The following MACROD2 variants were observed in gnomAD, a reference collection of about 807,000 sequenced individuals.
The protein encoded by MACROD2 is mono-ADP ribosylhydrolase 2.
A neutral mutation model predicts 70.4 loss-of-function variants in MACROD2; 36 were observed. The observed-to-expected ratio is 0.51, with a 90% CI of 0.39 to 0.68. The LOEUF is 0.68. Ranked by LOEUF, MACROD2 falls within the 30% of genes least tolerant of loss-of-function variation. MACROD2 has a pLI of 0.00. For missense variants in MACROD2, 496 were observed against 538.4 expected, an observed-to-expected ratio of 0.92 and a Z score of 0.78; for synonymous variants, 172 against 178.8, an observed-to-expected ratio of 0.96 and a Z score of 0.30.
chr20:14,813,727 C>A (rs2097645997), intron 5 of MACROD2, among the ~76,000 whole-genome samples: 2 of 152,048 alleles, frequency 1.3e-5, no homozygotes, highest in Non-Finnish European at 1.5e-5. Context: ...ATTCATCAAT[C>A]TGGAAGCTCA....
chr20:14,754,560 T>A (rs1402246367), intron 5 of MACROD2, among the ~76,000 whole-genome samples: 1 of 152,076 alleles, frequency 6.6e-6, no homozygotes, highest in Non-Finnish European at 1.5e-5. Context: ...GCACAGAGTC[T>A]CTTTTCATCT....
intron 15 of MACROD2, among the ~76,000 whole-genome samples, chr20:16,017,450 G>A (rs573374926): frequency 3.5e-4 from 53 of 152,200 alleles, no homozygotes; most frequent in Non-Finnish European, 6.3e-4. Flanking sequence ...AGGATATTTT[G>A]AGGCATCATG....
chr20:15,636,980 T>TGAAGGTGTTTTGTGC (rs2049380033), intron 8 of MACROD2, among the ~76,000 whole-genome samples: 2 of 152,202 alleles, frequency 1.3e-5, no homozygotes, highest in African/African-American at 4.8e-5. Flanking sequence ...ACTTCACTGC[T>TGAAGGTGTTTTGTGC]GAAGGTGTTT....
intron 2 of MACROD2, among the ~76,000 whole-genome samples, chr20:14,016,241 T>C (rs998420855): frequency 6.6e-6 from 1 of 152,238 alleles, no homozygotes; most frequent in African/African-American, 2.4e-5. Flanking sequence ...GAAGTATCTA[T>C]TCAAATCCTT....
At chr20:14,255,098 G>A (rs2082042923) in intron 3 of MACROD2, among the ~76,000 whole-genome samples, 2 of 152,124 alleles carry the variant, frequency 1.3e-5, no homozygotes, top group African/African-American at 4.8e-5. Flanking sequence ...AGTTTCTGCT[G>A]AGAGATCCGC....
At chr20:15,048,102 A>AAAT (rs2075409164) in intron 5 of MACROD2, among the ~76,000 whole-genome samples, 1 of 149,988 alleles carries the variant, frequency 6.7e-6, no homozygotes, top group African/African-American at 2.5e-5. Context: ...TGTCTCTAGT[A>AAAT]AATAAATAAA....
intron 3 of MACROD2, among the ~76,000 whole-genome samples, chr20:14,106,452 C>A (rs1353741768): frequency 6.6e-6 from 1 of 152,084 alleles, no homozygotes; most frequent in African/African-American, 2.4e-5. Flanking sequence ...TGACTACAGT[C>A]CTTGGATCTC....
chr20:14,934,654 G>T (rs969900225), intron 5 of MACROD2, among the ~76,000 whole-genome samples: 1 of 152,070 alleles, frequency 6.6e-6, no homozygotes, highest in African/African-American at 2.4e-5. Context: ...GGGTGTGGTG[G>T]CATGTGCCTG....
chr20:14,786,444 C>T (rs907080504), intron 5 of MACROD2, among the ~76,000 whole-genome samples: 3 of 151,818 alleles, frequency 2.0e-5, no homozygotes, highest in East Asian at 1.9e-4. Context: ...CTGGGAAGGA[C>T]GCAAGTATCA....
At chr20:15,731,601 G>A (rs2050944289) in intron 8 of MACROD2, among the ~76,000 whole-genome samples, 1 of 57,874 alleles carries the variant, frequency 1.7e-5, no homozygotes, top group Non-Finnish European at 4.9e-5. Flanking sequence ...ACATTCCTGT[G>A]GGAGGTACTG....
At chr20:15,963,185 C>T (rs901394825) in intron 12 of MACROD2, among the ~76,000 whole-genome samples, 6 of 152,112 alleles carry the variant, frequency 3.9e-5, no homozygotes, top group Non-Finnish European at 7.4e-5. Context: ...TGTTTCTGTG[C>T]AATTTTTGCA....
chr20:15,867,721 G>T (rs2064513780), intron 9 of MACROD2, among the ~76,000 whole-genome samples: 1 of 152,006 alleles, frequency 6.6e-6, no homozygotes, highest in South Asian at 2.1e-4. Flanking sequence ...TAGAGTCTTA[G>T]TCCTGCTAGA....
intron 8 of MACROD2, among the ~76,000 whole-genome samples, chr20:15,697,782 G>C (rs2050397245): frequency 6.6e-6 from 1 of 152,156 alleles, no homozygotes; most frequent in Non-Finnish European, 1.5e-5. Flanking sequence ...TTTCCTGTTA[G>C]ACAAGGCCTT....
chr20:15,517,637 T>C (rs2047587043), intron 8 of MACROD2, among the ~76,000 whole-genome samples: 1 of 150,160 alleles, frequency 6.7e-6, no homozygotes, highest in Non-Finnish European at 1.5e-5. Context: ...GGAGGGGGAG[T>C]AGAGAAAGGG....
At chr20:14,879,269 T>A (rs2073584895) in intron 5 of MACROD2, among the ~76,000 whole-genome samples, 1 of 152,122 alleles carries the variant, frequency 6.6e-6, no homozygotes, top group South Asian at 2.1e-4. Flanking sequence ...AAAGAATGAG[T>A]TGATTATTAA....
intron 8 of MACROD2, among the ~76,000 whole-genome samples, chr20:15,539,385 T>TTGCC (rs2047923397): frequency 6.6e-6 from 1 of 152,226 alleles, no homozygotes; most frequent in Admixed American, 6.5e-5. Context: ...TAAGAACACC[T>TTGCC]TGCCTTGCCA....
rs555978080 is a variant in MACROD2 at position 15,148,473 on chromosome 20, G to A, written c.419-81467G>A. Among the ~76,000 whole-genome samples the A allele has an allele frequency of 1.1e-3, 173 of 152,148 alleles. 3 individuals are homozygous for A. The highest frequency in any genetic ancestry group is 3.6e-3 in the African/African-American group (149 of 41,456). On this transcript the variant is annotated intron_variant, in intron 5 of 17. Coordinates refer to ENST00000684519, the MANE Select transcript of MACROD2 (RefSeq NM_001351661.2). ...ATTTACTTTAAGAGTTAGGAGTGGC[G>A]GTTTGGGGATAGCATCAGGAGGTAT...
intron 3 of MACROD2, among the ~76,000 whole-genome samples, chr20:14,146,964 A>G (rs1262589279): frequency 6.6e-6 from 1 of 152,164 alleles, no homozygotes; most frequent in Non-Finnish European, 1.5e-5. Context: ...TGTATATAGT[A>G]AGTTCCCTAG....
chr20:14,699,540 T>C (rs1387485915), intron 5 of MACROD2, among the ~76,000 whole-genome samples: 2 of 152,170 alleles, frequency 1.3e-5, no homozygotes, highest in African/African-American at 4.8e-5. Flanking sequence ...TTCATTGTTA[T>C]TTGGGACAGA....
Sources: allele counts gnomAD v4.1 joint callset (sites outside exome capture counted in the v4.1 genomes callset), GRCh38; gene constraint gnomAD v4.1.1; transcripts MANE v1.5; gene names NCBI Gene and HGNC (gene_info 2026-07-23, HGNC 2026-07-21).